Variants in OR8D1 observed in about 807,000 individuals in gnomAD.
OR8D1 encodes olfactory receptor family 8 subfamily D member 1, also known as olfactory receptor 8D1.
For missense variants in OR8D1, 384 were observed against 366.8 expected, an observed-to-expected ratio of 1.05 and a Z score of -0.38; for synonymous variants, 143 against 147.0, an observed-to-expected ratio of 0.97 and a Z score of 0.20.
chr11:124,312,758 T>C (rs936081760), intron 1 of OR8D1, among the ~76,000 whole-genome samples: 1 of 151,790 alleles, frequency 6.6e-6, no homozygotes, highest in African/African-American at 2.4e-5. Flanking sequence ...CCTCAGGTGA[T>C]CCACCCACCT....
In OR8D1 at chr11:124,307,225, TGAGGAGA is replaced by T. The variant is rs71038500; in HGVS notation, c.*2608_*2614del. On this transcript the variant is annotated 3_prime_UTR_variant, in exon 3 of 3. Coordinates refer to ENST00000641015, the MANE Select transcript of OR8D1 (RefSeq NM_001002917.2). ...GTACTTACAAGTTTGGGACTTTCCA[TGAGGAGA>T]GAGGATTTTGACCTCAGGAGCATGC... 46,952 of 151,558 alleles carry T rather than the reference TGAGGAGA, an allele frequency of 0.31. 8,223 individuals carry two copies. Among genetic ancestry groups the T allele is most frequent in the East Asian group, 0.44 (2,229 of 5,100 alleles). 9.4% of individuals were successfully genotyped at this position (151,558 alleles called of 1,614,324 possible).
At chr11:124,312,573 A>G (rs1481195482) in intron 1 of OR8D1, among the ~76,000 whole-genome samples, 1 of 146,586 alleles carries the variant, frequency 6.8e-6, no homozygotes, top group African/African-American at 2.6e-5. Flanking sequence ...GCTGGAGTGC[A>G]ATGGCGCCAT....
In OR8D1 at chr11:124,306,573, A is replaced by G. The variant is rs1862370599; in HGVS notation, c.*3267T>C. ...TTCCCTTCTGTAGTAAGACAAAAAC[A>G]TCCTAATAGTGTGCTGATGAGGGTT... On this transcript the variant is annotated 3_prime_UTR_variant, in exon 3 of 3. Coordinates refer to ENST00000641015, the MANE Select transcript of OR8D1 (RefSeq NM_001002917.2). 1 of 151,832 alleles carries G rather than the reference A, an allele frequency of 6.6e-6. No homozygotes were observed. The highest frequency in any genetic ancestry group is 2.4e-5 in the African/African-American group (1 of 41,386). 9.4% of individuals were successfully genotyped at this position (151,832 alleles called of 1,614,324 possible). A position where few individuals can be genotyped will look rare whatever the true frequency, so the allele number is the denominator to read the frequency against.
Position 124,304,218 on chromosome 11 carries a change from C to G in OR8D1, c.*5622G>C, listed in dbSNP as rs1198362660. Reference sequence around the variant, plus strand: ...TATTTACTTCTTCCAAAGAAACAATCATCATTATGAATTTTATCTTCACAG... The same window carrying G: ...TATTTACTTCTTCCAAAGAAACAATGATCATTATGAATTTTATCTTCACAG... On this transcript the variant is annotated 3_prime_UTR_variant, in exon 3 of 3. Transcript: ENST00000641015. The G allele has an allele frequency of 1.3e-5, 2 of 151,874 alleles. No homozygotes were observed. Among genetic ancestry groups the G allele is most frequent in the Non-Finnish European group, 2.9e-5 (2 of 67,894 alleles). The allele number at this position is 151,874 out of a possible 1,614,324, so 9.4% of individuals were successfully genotyped here. A position where few individuals can be genotyped will look rare whatever the true frequency, so the allele number is the denominator to read the frequency against.
chr11:124,312,460 C>G (rs1420207270), intron 1 of OR8D1, among the ~76,000 whole-genome samples: 1 of 151,422 alleles, frequency 6.6e-6, no homozygotes, highest in African/African-American at 2.4e-5. Flanking sequence ...GCTATGCAAG[C>G]TGAATGGACT....
In OR8D1 at chr11:124,303,045, T is replaced by A. The variant is rs1423544527; in HGVS notation, c.*6795A>T. ...TCAGAAATGAGTCTGTATTAATCCG[T>A]TTTCACATTGCTATAAGGAACTGCT... On this transcript the variant is annotated 3_prime_UTR_variant, in exon 3 of 3. Coordinates refer to ENST00000641015, the MANE Select transcript of OR8D1 (RefSeq NM_001002917.2). The A allele has an allele frequency of 6.6e-6, 1 of 152,028 alleles. No individual in the cohort carries two copies. The highest frequency in any genetic ancestry group is 1.5e-5 in the Non-Finnish European group (1 of 67,986). 9.4% of individuals were successfully genotyped at this position (152,028 alleles called of 1,614,324 possible). A position where few individuals can be genotyped will look rare whatever the true frequency, so the allele number is the denominator to read the frequency against.
chr11:124,310,854 T>TA, intron 2 of OR8D1, 72 bp from the exon 3 acceptor site: 3 of 940,074 alleles, frequency 3.2e-6, no homozygotes, highest in Non-Finnish European at 4.8e-6. Context: ...CCAAATTGCA[T>TA]AAGGGAGGTT....
intron 1 of OR8D1, among the ~76,000 whole-genome samples, chr11:124,312,271 G>T (rs1414896517): frequency 1.3e-5 from 2 of 152,120 alleles, no homozygotes; most frequent in Non-Finnish European, 2.9e-5. Flanking sequence ...ACTTTGGTAA[G>T]AATAACCAAA....
In OR8D1 at chr11:124,304,793, A is replaced by T. The variant is rs528328179; in HGVS notation, c.*5047T>A. 1 of 151,858 alleles carries T rather than the reference A, an allele frequency of 6.6e-6. No homozygotes were observed. Among genetic ancestry groups the T allele is most frequent in the Non-Finnish European group, 1.5e-5 (1 of 67,888 alleles). The allele number at this position is 151,858 out of a possible 1,614,324, so 9.4% of individuals were successfully genotyped here. The stretch of plus-strand genomic sequence containing the variant: ...GGAATTATTTATAAAAGTTGGATAT[A>T]AGTCATTTGTTGGACACATTTGTTT... On this transcript the variant is annotated 3_prime_UTR_variant, in exon 3 of 3. Coordinates refer to ENST00000641015, the MANE Select transcript of OR8D1 (RefSeq NM_001002917.2).
chr11:124,307,042 AT>A lies in OR8D1; in HGVS notation c.*2797del, dbSNP rs1455287302. On this transcript the variant is annotated 3_prime_UTR_variant, in exon 3 of 3. Transcript: ENST00000641015. ...TAATAGAGACCTACAGGGATCCAGC[AT>A]TTTCTATGGTTCAAGTGGCAATTTT... 1 of 152,024 alleles carries A rather than the reference AT, an allele frequency of 6.6e-6. No homozygotes were observed. The highest frequency in any genetic ancestry group is 1.9e-4 in the East Asian group (1 of 5,172). 9.4% of individuals were successfully genotyped at this position (152,024 alleles called of 1,614,324 possible).
At position 124,310,480 on chromosome 11, in the gene OR8D1, T is replaced by C; in HGVS notation, c.287A>G (p.Glu96Gly). ...LGKKNTILYS[E>G]CMVQLFFFVV... is the part of the protein sequence containing the mutation. ...AAAGAAAAAGAGCTGGACCATGCAC[T>C]CAGAGTAAAGGATTGTATTCTTCTT... The change falls in exon 3 of 3, where the codon GAG becomes GGG. Residue 96 changes from glutamate (E) to glycine (G), a missense_variant. Physicochemically the swap from Glu to Gly is moderately conservative, Grantham distance 98. Transcript: ENST00000641015. 1 of 1,613,688 alleles carries C rather than the reference T, an allele frequency of 6.2e-7. No individual in the cohort carries two copies. The highest frequency in any genetic ancestry group is 8.5e-7 in the Non-Finnish European group (1 of 1,179,896).
chr11:124,306,000 TTTA>T lies in OR8D1; in HGVS notation c.*3837_*3839del, dbSNP rs377527125. 4.3e-4 allele frequency: 65 copies of T among 152,052 alleles called. 1 individual carries two copies. In the East Asian group the frequency reaches 0.012, roughly 28 times the overall value. 9.4% of individuals were successfully genotyped at this position (152,052 alleles called of 1,614,324 possible). The stretch of plus-strand genomic sequence containing the variant: ...ACAAAATTATTTTAATGATACCATA[TTTA>T]TTCTACTGGATATCTGAATCTTACT... On this transcript the variant is annotated 3_prime_UTR_variant, in exon 3 of 3. Coordinates refer to ENST00000641015, the MANE Select transcript of OR8D1 (RefSeq NM_001002917.2).
chr11:124,312,661 G>A (rs1356051995), intron 1 of OR8D1, among the ~76,000 whole-genome samples: 1 of 151,598 alleles, frequency 6.6e-6, no homozygotes, highest in African/African-American at 2.4e-5. Flanking sequence ...GGGATTACAG[G>A]CATGCACCAC....
rs1219707161 is a variant in OR8D1, at chr11:124,304,892, C to A, written c.*4948G>T. On this transcript the variant is annotated 3_prime_UTR_variant, in exon 3 of 3. Coordinates refer to ENST00000641015, the MANE Select transcript of OR8D1 (RefSeq NM_001002917.2). ...CACTTTTTTTATTCTAAAATAGTGT[C>A]TTTTAATAATAAAAAATTTTAAATT... is the stretch of plus-strand genomic sequence containing the variant. 1 of 151,678 alleles carries A rather than the reference C, an allele frequency of 6.6e-6. No homozygotes were observed. Among genetic ancestry groups the A allele is most frequent in the Non-Finnish European group, 1.5e-5 (1 of 67,812 alleles). 9.4% of individuals were successfully genotyped at this position (151,678 alleles called of 1,614,324 possible). A position where few individuals can be genotyped will look rare whatever the true frequency, so the allele number is the denominator to read the frequency against.
Position 124,309,812 on chromosome 11 carries a change from C to A in OR8D1, c.*28G>T, listed in dbSNP as rs775244531. On this transcript the variant is annotated 3_prime_UTR_variant, in exon 3 of 3. Transcript: ENST00000641015. ...ATGTTCATTGGAACTATTCATTTTT[C>A]CCATCTATAAATCCCCCAAATCAGG... 1.6e-6 allele frequency: 2 copies of A among 1,284,284 alleles called. No individual in the cohort carries two copies. The highest frequency in any genetic ancestry group is 4.9e-5 in the South Asian group (2 of 40,904). The allele number at this position is 1,284,284 out of a possible 1,614,324, so 79.6% of individuals were successfully genotyped here.
chr11:124,309,908 G>C lies in OR8D1; in HGVS notation c.859C>G (p.Pro287Ala), dbSNP rs535945267. The C allele has an allele frequency of 4.2e-5, 64 of 1,516,890 alleles. No homozygotes were observed. Among genetic ancestry groups the C allele is most frequent in the Non-Finnish European group, 5.6e-5 (64 of 1,134,682 alleles). The allele number at this position is 1,516,890 out of a possible 1,614,324, so 94.0% of individuals were successfully genotyped here. Residue 287 changes from proline to alanine, a missense_variant, in exon 3 of 3, where the codon CCT becomes GCT. Physicochemically the swap from Pro to Ala is conservative, Grantham distance 27 (BLOSUM62 -1). Transcript: ENST00000641015. ...FYTTVIPMLNPLIYSLRNKDV... is the reference protein window; with the variant it reads ...FYTTVIPMLNALIYSLRNKDV... ...TTATTCCTCAGACTGTATATTAAAG[G>C]GTTCAGCATGGGGATCACCGTGGTG...
rs776882285 is a variant in OR8D1, at chr11:124,308,742, G to C, written c.*1098C>G. ...GCAACTAATTTCAGCAAACACTAAT[G>C]GTTTAATATGTGATATAGAGTGAAG... On this transcript the variant is annotated 3_prime_UTR_variant, in exon 3 of 3. Coordinates refer to ENST00000641015, the MANE Select transcript of OR8D1 (RefSeq NM_001002917.2). 2.6e-5 allele frequency: 4 copies of C among 152,046 alleles called. No homozygotes were observed. Among genetic ancestry groups the C allele is most frequent in the Non-Finnish European group, 5.9e-5 (4 of 68,002 alleles). 9.4% of individuals were successfully genotyped at this position (152,046 alleles called of 1,614,324 possible). A position where few individuals can be genotyped will look rare whatever the true frequency, so the allele number is the denominator to read the frequency against.
chr11:124,311,165 C>A (rs905752003), intron 2 of OR8D1, among the ~76,000 whole-genome samples: 1 of 152,152 alleles, frequency 6.6e-6, no homozygotes, highest in Admixed American at 6.6e-5. Context: ...AAGGCCTGCA[C>A]ATATTTCTCA....
At position 124,307,218 on chromosome 11, in the gene OR8D1, C is replaced by T. The variant is rs948892097; in HGVS notation, c.*2622G>A. 5 of 134,826 alleles carry T rather than the reference C, an allele frequency of 3.7e-5. No individual in the cohort carries two copies. Among genetic ancestry groups the T allele is most frequent in the Non-Finnish European group, 5.2e-5 (3 of 58,068 alleles). 8.4% of individuals were successfully genotyped at this position (134,826 alleles called of 1,614,324 possible). Reference sequence around the variant, plus strand: ...CAAAAGTGTACTTACAAGTTTGGGACTTTCCATGAGGAGAGAGGATTTTGA... The same window carrying T: ...CAAAAGTGTACTTACAAGTTTGGGATTTTCCATGAGGAGAGAGGATTTTGA... On this transcript the variant is annotated 3_prime_UTR_variant, in exon 3 of 3. Coordinates refer to ENST00000641015, the MANE Select transcript of OR8D1 (RefSeq NM_001002917.2).
Sources: gnomAD v4.1 joint callset for allele counts (sites outside exome capture counted in the v4.1 genomes callset) on GRCh38, gnomAD v4.1.1 for gene constraint, MANE v1.5 for transcripts, NCBI Gene and HGNC (gene_info 2026-07-23, HGNC 2026-07-21) for gene names.